TRPM2: variants seen among roughly 807,000 people sequenced by gnomAD.
TRPM2 encodes transient receptor potential cation channel subfamily M member 2.
In TRPM2, 161 loss-of-function variants were observed where a neutral mutation model predicts 174.0. That is an observed-to-expected ratio of 0.93 (90% confidence interval 0.81 to 1.05). The LOEUF (loss-of-function observed/expected upper bound fraction) is 1.05. TRPM2 is among the 50% of genes least tolerant of loss of function. The pLI, the probability that TRPM2 is intolerant of heterozygous loss-of-function variation, is 0.00. For missense variants in TRPM2, 2,057 were observed against 2,038.0 expected (o/e 1.01, Z -0.18); for synonymous variants, 954 against 861.3 (o/e 1.11, Z -1.88).
chr21:44,425,195 A>G, intron 24 of TRPM2: 1 of 521,080 alleles, frequency 1.9e-6, no homozygotes, highest in South Asian at 2.6e-5. Flanking sequence ...CTGTGCCCTG[A>G]GCTCCCCACA....
At position 44,441,863 on chromosome 21, in the gene TRPM2, A is replaced by G. The variant is rs1241574928; in HGVS notation, c.*46A>G. On this transcript the variant is annotated 3_prime_UTR_variant, in exon 32 of 32. Transcript: ENST00000397928. ...GCTCCAGTCCATAGACGTTCCCCCC[A>G]GAAACCAGGGCTTCTCTCTCCTGAG... 2.6e-6 allele frequency: 4 copies of G among 1,544,948 alleles called. No individual in the cohort carries two copies. The highest frequency in any genetic ancestry group is 2.3e-5 in the East Asian group (1 of 42,720).
At chr21:44,368,964 G>A (rs570676054) in intron 4 of TRPM2, among the ~76,000 whole-genome samples, 27 of 152,324 alleles carry the variant, frequency 1.8e-4, no homozygotes, top group African/African-American at 6.0e-4. Context: ...GGGACCGGGA[G>A]AGGGGCGGGG....
chr21:44,379,308 CT>C, intron 8 of TRPM2, 111 bp downstream of exon 8: 2 of 1,316,688 alleles, frequency 1.5e-6, no homozygotes, highest in Non-Finnish European at 2.1e-6. Context: ...CCCACTGGGT[CT>C]GAGTGGGTGC....
Position 44,413,656 on chromosome 21 carries a change from C to T in TRPM2, c.2963-235C>T, listed in dbSNP as rs1000263579. On this transcript the variant is annotated intron_variant, in intron 19 of 31. Coordinates refer to ENST00000397928, the MANE Select transcript of TRPM2 (RefSeq NM_003307.4). ...GGGTGGCACACCCTGGGCGGAGGCA[C>T]GGGCCAGCCTGGGTGCAGCTCTGCC... is the stretch of plus-strand genomic sequence containing the variant. Among the ~76,000 whole-genome samples the T allele has an allele frequency of 5.9e-5, 9 of 152,308 alleles. No homozygotes were observed. The South Asian group carries it at 8.3e-4, about 14-fold the overall frequency.
At chr21:44,385,087 G>A (rs1257986820) in intron 9 of TRPM2, among the ~76,000 whole-genome samples, 1 of 152,136 alleles carries the variant, frequency 6.6e-6, no homozygotes, top group African/African-American at 2.4e-5. Context: ...TATACACTAT[G>A]ACTACATGAG....
chr21:44,397,085 C>G (rs1461793303), intron 12 of TRPM2, among the ~76,000 whole-genome samples: 2 of 151,008 alleles, frequency 1.3e-5, no homozygotes, highest in African/African-American at 4.9e-5. Flanking sequence ...GTTGCCCAGG[C>G]TGGAGTGCAG....
rs769415156 is a variant in TRPM2 at position 44,418,518 on chromosome 21, C to A, written c.3424C>A (p.Gln1142Lys). 2.5e-6 allele frequency: 4 copies of A among 1,614,008 alleles called. No homozygotes were observed. Among genetic ancestry groups the A allele is most frequent in the Non-Finnish European group, 3.4e-6 (4 of 1,180,012 alleles). The change falls in exon 22 of 32, where the codon CAG becomes AAG. Residue 1142 changes from glutamine to lysine, a missense_variant. Physicochemically the swap from Gln to Lys is moderately conservative, Grantham distance 53 (BLOSUM62 1). Coordinates refer to ENST00000397928, the MANE Select transcript of TRPM2 (RefSeq NM_003307.4). ...CCAGAACCGACAGTTCCAGCAAAAGCAGCGGCCCGAGCAGAAGATCGAGGA... is the reference window on the plus strand; with the variant it reads ...CCAGAACCGACAGTTCCAGCAAAAGAAGCGGCCCGAGCAGAAGATCGAGGA... ...YLQNRQFQQK[Q>K]RPEQKIEDIS...
At chr21:44,353,533 A>C, upstream of TRPM2, 2 of 836,528 alleles carry the variant, frequency 2.4e-6, no homozygotes, top group Non-Finnish European at 3.4e-6. Context: ...AGGGCTTCAC[A>C]TGAGGAAGCA....
chr21:44,353,088 C>G (rs1436084959), upstream of TRPM2, among the ~76,000 whole-genome samples: 1 of 152,174 alleles, frequency 6.6e-6, no homozygotes, highest in East Asian at 1.9e-4. Context: ...CCAGGGAGAC[C>G]GAGGTTGCAG....
In TRPM2 at chr21:44,438,986, G is replaced by T. The variant is rs2051386165; in HGVS notation, c.4168-81G>T. On this transcript the variant is annotated intron_variant, in intron 29 of 31. Coordinates refer to ENST00000397928, the MANE Select transcript of TRPM2 (RefSeq NM_003307.4). The surrounding 1 kb of genome is among the most constrained non-coding windows in gnomAD (Gnocchi z 5.9). ...GGCCGCTGCCCACGCCGGGCAGGAG[G>T]CCAGTGGAGACGGGTGCCAGGGCAG... The T allele has an allele frequency of 8.4e-7, 1 of 1,193,270 alleles. No individual in the cohort carries two copies. The highest frequency in any genetic ancestry group is 1.2e-6 in the Non-Finnish European group (1 of 828,114). 73.9% of individuals were successfully genotyped at this position (1,193,270 alleles called of 1,614,324 possible). A position where few individuals can be genotyped will look rare whatever the true frequency, so the allele number is the denominator to read the frequency against.
chr21:44,398,797 G>A (rs2049514721), intron 13 of TRPM2, among the ~76,000 whole-genome samples: 1 of 152,164 alleles, frequency 6.6e-6, no homozygotes, highest in African/African-American at 2.4e-5. Context: ...AAGAGTTGGG[G>A]AGGTTTGGAA....
At position 44,427,379 on chromosome 21, in the gene TRPM2, G is replaced by A. The variant is rs143149627; in HGVS notation, c.3974+268G>A. ...TGGGGACGTGGATTTGTCTGTGTAC[G>A]TGGGGATGGCTGTGCTGGGAGAGGA... On this transcript the variant is annotated intron_variant, in intron 27 of 31. Transcript: ENST00000397928. Among the ~76,000 whole-genome samples the A allele has an allele frequency of 5.9e-5, 9 of 152,340 alleles. No homozygotes were observed. In the East Asian group the frequency reaches 1.2e-3, roughly 20 times the overall value.
chr21:44,351,193 C>G (rs1021506197), upstream of TRPM2, among the ~76,000 whole-genome samples: 10 of 152,202 alleles, frequency 6.6e-5, no homozygotes, highest in African/African-American at 2.4e-4. Flanking sequence ...CCTCTCGAGT[C>G]GCCTGGTCCT....
chr21:44,437,100 G>A lies in TRPM2; in HGVS notation c.4100G>A (p.Ser1367Asn). 11 of 1,551,312 alleles carry A rather than the reference G, an allele frequency of 7.1e-6. No individual in the cohort carries two copies. The highest frequency in any genetic ancestry group is 8.7e-6 in the Non-Finnish European group (10 of 1,146,916). Reference protein sequence around the residue: ...RNEDGAICRKSIKKMLEVLVV... With the variant: ...RNEDGAICRKNIKKMLEVLVV... ...GAGGATGGAGCCATCTGCAGGAAGAGCATAAAGAAGATGCTGGAAGTGCTG... is the reference window on the plus strand; with the variant it reads ...GAGGATGGAGCCATCTGCAGGAAGAACATAAAGAAGATGCTGGAAGTGCTG... Residue 1367 changes from serine (S) to asparagine (N), a missense_variant, in exon 29 of 32, where the codon AGC becomes AAC. Ser to Asn is a conservative substitution (Grantham distance 46, BLOSUM62 1). Coordinates refer to ENST00000397928, the MANE Select transcript of TRPM2 (RefSeq NM_003307.4).
At position 44,380,083 on chromosome 21, in the gene TRPM2, T is replaced by C. The variant is rs2048834398; in HGVS notation, c.1215+886T>C. Among the ~76,000 whole-genome samples, 4 of 152,150 alleles carry C rather than the reference T, an allele frequency of 2.6e-5. No homozygotes were observed. The South Asian group carries it at 8.3e-4, about 31-fold the overall frequency. On this transcript the variant is annotated intron_variant, in intron 8 of 31. Coordinates refer to ENST00000397928, the MANE Select transcript of TRPM2 (RefSeq NM_003307.4). ...GGGCCTGTGGAGAGTGGATTAAAAA[T>C]GAGCACCCTCAGGAACCACGGGTGT... is the stretch of plus-strand genomic sequence containing the variant.
intron 29 of TRPM2, among the ~76,000 whole-genome samples, chr21:44,437,654 G>T (rs944810535): frequency 1.3e-5 from 2 of 152,194 alleles, no homozygotes; most frequent in Admixed American, 1.3e-4. Flanking sequence ...TTGTGCACAG[G>T]CCCCTCAGCT....
At chr21:44,420,854 C>A (rs774753872) in intron 22 of TRPM2, among the ~76,000 whole-genome samples, 41 of 152,330 alleles carry the variant, frequency 2.7e-4, no homozygotes, top group Non-Finnish European at 5.1e-4. Flanking sequence ...CTCGCTCAAC[C>A]CTTTTGCAGA....
chr21:44,355,148 C>A (rs1271888946), intron 2 of TRPM2, among the ~76,000 whole-genome samples: 2 of 152,192 alleles, frequency 1.3e-5, no homozygotes, highest in Non-Finnish European at 2.9e-5. Flanking sequence ...AGACTGCCCC[C>A]CTGCACAGCT....
Position 44,437,955 on chromosome 21 carries a change from C to G in TRPM2, c.4167+788C>G, listed in dbSNP as rs1430784763. ...CTCCTCTGCACCTGATCCGGGGAGT[C>G]TGTGACTTACAACAACTCAGCAAGA... On this transcript the variant is annotated intron_variant, in intron 29 of 31. Coordinates refer to ENST00000397928, the MANE Select transcript of TRPM2 (RefSeq NM_003307.4). Among the ~76,000 whole-genome samples the G allele has an allele frequency of 3.7e-4, 56 of 152,262 alleles. 1 individual carries two copies. The highest frequency in any genetic ancestry group is 3.5e-3 in the Admixed American group (54 of 15,290).
Sources: allele counts gnomAD v4.1 joint callset (sites outside exome capture counted in the v4.1 genomes callset), GRCh38; gene constraint gnomAD v4.1.1; non-coding constraint Gnocchi (gnomAD v3.1); transcripts MANE v1.5; gene names NCBI Gene and HGNC (gene_info 2026-07-23, HGNC 2026-07-21).